TPCN1: variants seen among roughly 807,000 people sequenced by gnomAD.
The protein encoded by TPCN1 is two pore channel protein 1.
In TPCN1, 52 loss-of-function variants were observed where a neutral mutation model predicts 108.8. That is an observed-to-expected ratio of 0.48 (90% CI 0.38 to 0.60). The LOEUF is 0.60. TPCN1 is among the 20% of genes least tolerant of loss of function. The probability of loss-of-function intolerance (pLI) is 0.00; values close to 1 mark genes in which losing one functional copy is unlikely to be tolerated. For missense variants in TPCN1, 806 were observed against 1,072.8 expected (o/e 0.75, Z 3.47); for synonymous variants, 446 against 433.7 (o/e 1.03, Z -0.35).
chr12:113,223,206 G>A (rs1272500379), intron 1 of TPCN1, among the ~76,000 whole-genome samples: 2 of 152,232 alleles, frequency 1.3e-5, no homozygotes, highest in Non-Finnish European at 2.9e-5. Context: ...GCAGCAAGTA[G>A]AATGATGTTT....
At chr12:113,277,604 G>A (rs565141596) in intron 12 of TPCN1, among the ~76,000 whole-genome samples, 2 of 152,296 alleles carry the variant, frequency 1.3e-5, no homozygotes, top group South Asian at 2.1e-4. Flanking sequence ...CTCATGAAGT[G>A]GACTGGCCCA....
rs79306470 is a variant in TPCN1, at chr12:113,247,072, A to G, written c.113-13296A>G. Among the ~76,000 whole-genome samples, 1,294 of 152,316 alleles carry G rather than the reference A, an allele frequency of 8.5e-3. 26 individuals are homozygous for G. The highest frequency in any genetic ancestry group is 0.057 in the East Asian group (293 of 5,182). On this transcript the variant is annotated intron_variant, in intron 2 of 27. Coordinates refer to ENST00000335509, the MANE Select transcript of TPCN1 (RefSeq NM_017901.6). ...CAGGTGGGTGTAAACAACTGTTGGC[A>G]TTCGAGGCTGCCCAGGTAGAGGTCC... is the stretch of plus-strand genomic sequence containing the variant.
chr12:113,238,553 C>T (rs1215035335), intron 2 of TPCN1, among the ~76,000 whole-genome samples: 1 of 152,178 alleles, frequency 6.6e-6, no homozygotes, highest in Non-Finnish European at 1.5e-5. Flanking sequence ...CCTCGGCCTC[C>T]CAAAGTGCTG....
At chr12:113,261,552 C>T (rs7298375) in intron 3 of TPCN1, among the ~76,000 whole-genome samples, 4,922 of 151,648 alleles carry the variant, frequency 0.032, 225 homozygotes, top group East Asian at 0.15. Context: ...CCTCAGCCTC[C>T]GGAGTAGCTG....
chr12:113,249,124 A>G (rs1243877124), intron 2 of TPCN1, among the ~76,000 whole-genome samples: 1 of 152,144 alleles, frequency 6.6e-6, no homozygotes, highest in Admixed American at 6.5e-5. Flanking sequence ...TGGCCAGGAA[A>G]ATGTGGTCTC....
chr12:113,255,093 G>T, intron 2 of TPCN1, among the ~76,000 whole-genome samples: 1 of 152,206 alleles, frequency 6.6e-6, no homozygotes, highest in Non-Finnish European at 1.5e-5. Flanking sequence ...TAGAAAGGAA[G>T]AAATAAAACT....
At chr12:113,247,102 G>A (rs1425188304) in intron 2 of TPCN1, among the ~76,000 whole-genome samples, 3 of 152,198 alleles carry the variant, frequency 2.0e-5, no homozygotes, top group African/African-American at 7.2e-5. Flanking sequence ...AGGTCCTGGA[G>A]TGAACCCAGT....
At chr12:113,242,043 A>G (rs930599534) in intron 2 of TPCN1, among the ~76,000 whole-genome samples, 1 of 152,148 alleles carries the variant, frequency 6.6e-6, no homozygotes, top group Non-Finnish European at 1.5e-5. Flanking sequence ...TTACCCGTGG[A>G]CATCTGGCAA....
chr12:113,223,459 TCTC>T (rs577628129), intron 1 of TPCN1, among the ~76,000 whole-genome samples: 70 of 151,508 alleles, frequency 4.6e-4, no homozygotes, highest in Non-Finnish European at 7.1e-4. Context: ...TTTTGGTTCT[TCTC>T]AGCGGAAACG....
intron 1 of TPCN1, among the ~76,000 whole-genome samples, chr12:113,222,767 A>G (rs1953299520): frequency 6.6e-6 from 1 of 152,184 alleles, no homozygotes; most frequent in African/African-American, 2.4e-5. Flanking sequence ...GTGTGGCCCA[A>G]GATAGTTCTT....
chr12:113,296,115 A>G lies in TPCN1; in HGVS notation c.*39A>G. The G allele has an allele frequency of 1.2e-6, 2 of 1,605,822 alleles. No individual in the cohort carries two copies. The highest frequency in any genetic ancestry group is 1.1e-5 in the South Asian group (1 of 90,694). ...AGCCGTCTCTTCTATGCAATAACACAATAGTATTACTCTACTGCGATGTAC... is the reference window on the plus strand; with the variant it reads ...AGCCGTCTCTTCTATGCAATAACACGATAGTATTACTCTACTGCGATGTAC... On this transcript the variant is annotated 3_prime_UTR_variant, in exon 28 of 28. Coordinates refer to ENST00000335509, the MANE Select transcript of TPCN1 (RefSeq NM_017901.6).
intron 2 of TPCN1, among the ~76,000 whole-genome samples, chr12:113,241,791 T>TGTGC (rs942518944): frequency 2.0e-5 from 3 of 151,392 alleles, no homozygotes; most frequent in Admixed American, 6.6e-5. Flanking sequence ...TGTGTGTGTG[T>TGTGC]GTGCGTGTGT....
rs1282743390 is a variant in TPCN1, at chr12:113,271,422, C to T, written c.749-1236C>T. Among the ~76,000 whole-genome samples, 4 of 152,196 alleles carry T rather than the reference C, an allele frequency of 2.6e-5. No individual in the cohort carries two copies. The East Asian group carries it at 7.7e-4, about 29-fold the overall frequency. On this transcript the variant is annotated intron_variant, in intron 7 of 27. Transcript: ENST00000335509. ...TTCCCCAAAGGTACCCCCTGTCCTACGCTTATCATTCCCATGCACGTCTTT... is the reference window on the plus strand; with the variant it reads ...TTCCCCAAAGGTACCCCCTGTCCTATGCTTATCATTCCCATGCACGTCTTT...
intron 2 of TPCN1, among the ~76,000 whole-genome samples, chr12:113,252,978 G>T (rs1954704056): frequency 6.6e-6 from 1 of 152,196 alleles, no homozygotes; most frequent in African/African-American, 2.4e-5. Flanking sequence ...GGAAATGCTA[G>T]TGTATTTTTG....
chr12:113,290,302 G>A, intron 22 of TPCN1, 59 bp downstream of exon 22: 2 of 1,191,328 alleles, frequency 1.7e-6, no homozygotes, highest in Non-Finnish European at 2.4e-6. Flanking sequence ...TGTCACCCTT[G>A]TCACCACGGG....
chr12:113,241,291 G>A (rs1302349911), intron 2 of TPCN1, among the ~76,000 whole-genome samples: 3 of 152,208 alleles, frequency 2.0e-5, no homozygotes, highest in African/African-American at 7.2e-5. Context: ...CTTCCCCAAT[G>A]TGCCCATGCT....
At chr12:113,229,779 A>T (rs1483779712) in intron 2 of TPCN1, among the ~76,000 whole-genome samples, 1 of 152,202 alleles carries the variant, frequency 6.6e-6, no homozygotes, top group East Asian at 1.9e-4. Context: ...GGCGTGAGCC[A>T]CCACACCCGG....
In TPCN1 at chr12:113,290,975, G is replaced by A; in HGVS notation, c.1936G>A (p.Val646Ile). Residue 646 changes from valine (V) to isoleucine (I), a missense_variant, in exon 23 of 28, where the codon GTC (valine) becomes ATC (isoleucine). Transcript: ENST00000335509. The stretch of plus-strand genomic sequence containing the variant: ...AGTGACCCTGTTTGAGCTCACAGTT[G>A]TCAACAACTGGTACATCATCATGGT... ...SFVTLFELTV[V>I]NNWYIIMEGV... is the part of the protein sequence containing the mutation. The A allele has an allele frequency of 6.2e-7, 1 of 1,613,830 alleles. No individual in the cohort carries two copies. The highest frequency in any genetic ancestry group is 8.5e-7 in the Non-Finnish European group (1 of 1,179,978).
In TPCN1 at chr12:113,273,984, C is replaced by T. The variant is rs1193332147; in HGVS notation, c.942+316C>T. On this transcript the variant is annotated intron_variant, in intron 10 of 27. Transcript: ENST00000335509. This position sits in a 1 kb window ranked among gnomAD's most constrained non-coding sequence, Gnocchi z 4.0. ...GAAATAAGCAGTTGACCCTCGGTGT[C>T]CACAGGGATTGTTTGCAGGACCCCC... Among the ~76,000 whole-genome samples the T allele has an allele frequency of 6.6e-6, 1 of 152,164 alleles. No homozygotes were observed. The highest frequency in any genetic ancestry group is 1.5e-5 in the Non-Finnish European group (1 of 68,022).
Sources: gnomAD v4.1 joint callset for allele counts (sites outside exome capture counted in the v4.1 genomes callset) on GRCh38, gnomAD v4.1.1 for gene constraint, Gnocchi (gnomAD v3.1) non-coding constraint, MANE v1.5 for transcripts, NCBI Gene and HGNC (gene_info 2026-07-23, HGNC 2026-07-21) for gene names.